XRCC6: variants seen among roughly 807,000 people sequenced by gnomAD.
XRCC6 encodes the protein DNA repair protein Ku70.
In XRCC6, 5 loss-of-function variants were observed where a neutral mutation model predicts 65.7. The observed-to-expected ratio is 0.08, with a 90% CI of 0.04 to 0.16. The LOEUF is 0.16. Ranked by LOEUF, XRCC6 falls within the 10% of genes least tolerant of loss-of-function variation. The pLI is 1.00. For synonymous variants in XRCC6, 270 were observed against 270.6 expected (o/e 1.00, Z 0.02); for missense variants, 447 against 738.1 (o/e 0.61, Z 4.57).
At chr22:41,633,404 T>C (rs2067776804) in intron 3 of XRCC6, among the ~76,000 whole-genome samples, 1 of 152,038 alleles carries the variant, frequency 6.6e-6, no homozygotes, top group South Asian at 2.1e-4. Context: ...CCTATTTTTT[T>C]TTTTTTTTGA....
chr22:41,629,336 A>T (rs182976504), intron 3 of XRCC6, among the ~76,000 whole-genome samples: 1 of 152,344 alleles, frequency 6.6e-6, no homozygotes, highest in African/African-American at 2.4e-5. Context: ...TTGAATGGCT[A>T]AACAGTGGCA....
intron 2 of XRCC6, among the ~76,000 whole-genome samples, chr22:41,623,479 C>T (rs1033745602): frequency 1.3e-5 from 2 of 151,724 alleles, no homozygotes; most frequent in African/African-American, 4.8e-5. Context: ...GCTCCGCCTC[C>T]CGGGTTCATG....
chr22:41,654,060 A>C (rs1321879755), intron 9 of XRCC6, among the ~76,000 whole-genome samples: 1 of 152,098 alleles, frequency 6.6e-6, no homozygotes, highest in East Asian at 1.9e-4. Flanking sequence ...ATACAAACCA[A>C]CCATGGGGTT....
At chr22:41,653,235 CTCTACAAAAAATCT>C (rs1345557116) in intron 8 of XRCC6, among the ~76,000 whole-genome samples, 2 of 151,850 alleles carry the variant, frequency 1.3e-5, no homozygotes, top group Admixed American at 1.3e-4. Flanking sequence ...GATACTTTGT[CTCTACAAAAAATCT>C]TAAAACTAGC....
chr22:41,637,678 C>T lies in XRCC6; in HGVS notation c.660C>T (p.Ile220=), dbSNP rs1187665644. ...ACATATCCTTGTTCTACAGAGATAT[C>T]ATCAGCATAGCAGAGGATGAGGACC... ...GFDISLFYRD[I]ISIAEDEDLR... is the part of the protein sequence containing the mutation. The change falls in exon 6 of 13, where the codon ATC becomes ATT. Residue 220 remains isoleucine (I), a synonymous_variant. Coordinates refer to ENST00000360079, the MANE Select transcript of XRCC6 (RefSeq NM_001469.5). The T allele has an allele frequency of 6.2e-7, 1 of 1,612,716 alleles. No homozygotes were observed. Among genetic ancestry groups the T allele is most frequent in the African/African-American group, 1.3e-5 (1 of 74,848 alleles).
intron 3 of XRCC6, among the ~76,000 whole-genome samples, chr22:41,629,774 A>G (rs902928086): frequency 2.0e-5 from 3 of 151,922 alleles, no homozygotes; most frequent in Admixed American, 6.6e-5. Flanking sequence ...GGTTCATGCC[A>G]TTCTCCTACC....
chr22:41,646,885 T>G lies in XRCC6; in HGVS notation c.774-11T>G, dbSNP rs200187056. ...TTTCAGTTCATGCTCTTTCATTTTT[T>G]ACTCCCTCAGGTTAAAGCTGAAGCT... On this transcript the variant is annotated splice_polypyrimidine_tract_variant and intron_variant, in intron 6 of 12. Transcript: ENST00000360079. 4.4e-4 allele frequency: 685 copies of G among 1,573,574 alleles called. 3 individuals carry two copies. The African/African-American group carries it at 8.3e-3, about 19-fold the overall frequency.
intron 3 of XRCC6, among the ~76,000 whole-genome samples, chr22:41,633,323 T>C (rs1266985164): frequency 6.6e-6 from 1 of 152,090 alleles, no homozygotes; most frequent in Non-Finnish European, 1.5e-5. Flanking sequence ...AATTGTCAGG[T>C]GATGCTGATG....
At chr22:41,661,662 AT>A in intron 12 of XRCC6, 1 of 507,952 alleles carries the variant, frequency 2.0e-6, no homozygotes, top group Non-Finnish European at 3.5e-6. Flanking sequence ...AGCCACTATT[AT>A]GGAGAATAGT....
chr22:41,657,587 T>G lies in XRCC6; in HGVS notation c.1421+555T>G, dbSNP rs375728942. Among the ~76,000 whole-genome samples, 13 of 151,558 alleles carry G rather than the reference T, an allele frequency of 8.6e-5. No homozygotes were observed. In the East Asian group the frequency reaches 2.1e-3, roughly 25 times the overall value. On this transcript the variant is annotated intron_variant, in intron 10 of 12. Transcript: ENST00000360079. Reference sequence around the variant, plus strand: ...AGGTTTGATTGCAGTGGTGTTACTGTAGTTCACTGCAGCCTTGACCTCCCT... The same window carrying G: ...AGGTTTGATTGCAGTGGTGTTACTGGAGTTCACTGCAGCCTTGACCTCCCT...
intron 9 of XRCC6, among the ~76,000 whole-genome samples, chr22:41,655,404 G>A (rs2068035880): frequency 6.6e-6 from 1 of 151,474 alleles, no homozygotes; most frequent in African/African-American, 2.4e-5. Flanking sequence ...TTGTTAAGAA[G>A]GAAAAAGAAA....
chr22:41,647,839 C>T (rs2067950198), intron 7 of XRCC6, among the ~76,000 whole-genome samples: 1 of 152,086 alleles, frequency 6.6e-6, no homozygotes, highest in South Asian at 2.1e-4. Flanking sequence ...TCCTAAAGTG[C>T]TGGGATTATA....
rs112842522 is a variant in XRCC6, at chr22:41,628,561, A to G, written c.195+331A>G. ...ATAAAGGAAGAAGGGAAGTTCCCAC[A>G]GTTATAGTGTGGAAAAGAGTGAGTG... On this transcript the variant is annotated intron_variant, in intron 3 of 12. Transcript: ENST00000360079. 1.2e-3 allele frequency among the ~76,000 whole-genome samples: 184 copies of G among 152,304 alleles called. 1 individual carries two copies. Among genetic ancestry groups the G allele is most frequent in the African/African-American group, 4.2e-3 (174 of 41,568 alleles).
In XRCC6 at chr22:41,637,811, C is replaced by T. The variant is rs745841748; in HGVS notation, c.773+20C>T. On this transcript the variant is annotated intron_variant, in intron 6 of 12. Coordinates refer to ENST00000360079, the MANE Select transcript of XRCC6 (RefSeq NM_001469.5). Reference sequence around the variant, plus strand: ...CAGCAGGTGTGCACTCAGCCCGGGTCAGCTGCCTACACTGCCCTTAAATCA... The same window carrying T: ...CAGCAGGTGTGCACTCAGCCCGGGTTAGCTGCCTACACTGCCCTTAAATCA... The T allele has an allele frequency of 1.2e-6, 2 of 1,610,348 alleles. No individual in the cohort carries two copies. Among genetic ancestry groups the T allele is most frequent in the Admixed American group, 1.7e-5 (1 of 59,506 alleles).
At chr22:41,624,852 C>A (rs903430418) in intron 2 of XRCC6, among the ~76,000 whole-genome samples, 33 of 150,616 alleles carry the variant, frequency 2.2e-4, no homozygotes, top group African/African-American at 7.3e-4. Flanking sequence ...AAAAAAATAG[C>A]CAGGCGTGGT....
At chr22:41,641,026 T>A (rs1479491369) in intron 6 of XRCC6, among the ~76,000 whole-genome samples, 1 of 152,158 alleles carries the variant, frequency 6.6e-6, no homozygotes, top group Non-Finnish European at 1.5e-5. Flanking sequence ...GAGGATTGCT[T>A]GAGTCCAGAA....
chr22:41,633,632 C>T (rs942302920), intron 3 of XRCC6, among the ~76,000 whole-genome samples: 9 of 152,252 alleles, frequency 5.9e-5, no homozygotes, highest in African/African-American at 2.2e-4. Flanking sequence ...CTGCCCACTT[C>T]GGCCTCCCAA....
chr22:41,659,963 G>GCGCAAAGTGCTGGGATTACAA (rs1569099228), intron 11 of XRCC6, among the ~76,000 whole-genome samples: 23 of 152,164 alleles, frequency 1.5e-4, no homozygotes, highest in African/African-American at 5.3e-4. Flanking sequence ...TGGGATTACA[G>GCGCAAAGTGCTGGGATTACAA]GCAAGAGCCA....
rs527550613 is a variant in XRCC6 at position 41,652,513 on chromosome 22, C to T, written c.1130-1016C>T. On this transcript the variant is annotated intron_variant, in intron 8 of 12. Coordinates refer to ENST00000360079, the MANE Select transcript of XRCC6 (RefSeq NM_001469.5). Reference sequence around the variant, plus strand: ...TCGAGCAACTGGGACTACAGGTCCACACCACCACGTCCAGCTAATCTTTTG... The same window carrying T: ...TCGAGCAACTGGGACTACAGGTCCATACCACCACGTCCAGCTAATCTTTTG... 8.6e-5 allele frequency among the ~76,000 whole-genome samples: 13 copies of T among 151,760 alleles called. No homozygotes were observed. In the South Asian group the frequency reaches 1.5e-3, roughly 17 times the overall value.
Sources: gnomAD v4.1 joint callset for allele counts (sites outside exome capture counted in the v4.1 genomes callset) on GRCh38, gnomAD v4.1.1 for gene constraint, MANE v1.5 for transcripts, NCBI Gene and HGNC (gene_info 2026-07-23, HGNC 2026-07-21) for gene names.